Variants in GTF2I observed in about 807,000 individuals in gnomAD.
GTF2I encodes general transcription factor IIi.
Under a neutral mutation model 67.6 loss-of-function variants are expected in GTF2I, and 12 were observed. The ratio of observed to expected loss-of-function variants is 0.18; its 90% CI spans 0.11 to 0.29. The LOEUF is 0.29. Among genes scored for constraint, GTF2I ranks in the 10% least tolerant of loss-of-function variants. The probability of loss-of-function intolerance (pLI) is 1.00; values close to 1 mark genes in which losing one functional copy is unlikely to be tolerated. For missense variants in GTF2I, 271 were observed against 580.1 expected (o/e 0.47, Z 5.47); for synonymous variants, 149 against 197.0 (o/e 0.76, Z 2.04).
rs1216846084 is a variant in GTF2I at position 74,677,717 on chromosome 7, G to C, written c.-5-11407G>C. On this transcript the variant is annotated intron_variant, in intron 1 of 34. Transcript: ENST00000573035. ...GAATTGCTTGAACCCAGGAGGCGGA[G>C]GTTGCAGTGAGCCAAGATCACGCCA... Among the ~76,000 whole-genome samples, 4 of 147,450 alleles carry C rather than the reference G, an allele frequency of 2.7e-5. No homozygotes were observed. In the East Asian group the frequency reaches 8.0e-4, roughly 30 times the overall value.
chr7:74,717,932 A>G (rs1391900189), intron 11 of GTF2I, among the ~76,000 whole-genome samples: 2 of 152,180 alleles, frequency 1.3e-5, no homozygotes, highest in African/African-American at 4.8e-5. Flanking sequence ...TTTTTATAGA[A>G]GATTGTGTGG....
At chr7:74,688,746 G>A (rs1008443445) in intron 1 of GTF2I, among the ~76,000 whole-genome samples, 1 of 152,150 alleles carries the variant, frequency 6.6e-6, no homozygotes, top group Non-Finnish European at 1.5e-5. Context: ...TGTGTGTCAG[G>A]ATGTTCAGGG....
intron 12 of GTF2I, among the ~76,000 whole-genome samples, chr7:74,721,004 TAATA>T (rs1233692778): frequency 2.0e-5 from 3 of 152,076 alleles, no homozygotes; most frequent in Non-Finnish European, 2.9e-5. Context: ...TTGGATGGAG[TAATA>T]AATCTCTTTT....
chr7:74,721,062 A>G (rs1792923720), intron 12 of GTF2I, among the ~76,000 whole-genome samples: 2 of 151,364 alleles, frequency 1.3e-5, no homozygotes. Flanking sequence ...TGTTTTTGAG[A>G]TGGAGTTTCA....
At chr7:74,705,877 T>C (rs1274023917) in intron 7 of GTF2I, among the ~76,000 whole-genome samples, 3 of 151,896 alleles carry the variant, frequency 2.0e-5, no homozygotes, top group African/African-American at 7.3e-5. Context: ...TAAGTCTTAA[T>C]ATGCTACTCT....
Position 74,706,453 on chromosome 7 carries a change from G to T in GTF2I, c.685+20G>T. 3 of 1,565,860 alleles carry T rather than the reference G, an allele frequency of 1.9e-6. No individual in the cohort carries two copies. The highest frequency in any genetic ancestry group is 2.6e-6 in the Non-Finnish European group (3 of 1,136,290). On this transcript the variant is annotated intron_variant, in intron 8 of 34. Transcript: ENST00000573035. ...ATTCTGGTATGTACTAGCACTTTTA[G>T]AATCAATGGTGAAATTAAGGAAGAC...
intron 9 of GTF2I, among the ~76,000 whole-genome samples, chr7:74,712,470 G>C (rs1374887926): frequency 1.4e-5 from 2 of 148,128 alleles, no homozygotes; most frequent in African/African-American, 5.0e-5. Context: ...GCTTTACTAC[G>C]TAAATATTCT....
At chr7:74,694,518 C>T (rs587703006) in intron 3 of GTF2I, among the ~76,000 whole-genome samples, 7 of 151,936 alleles carry the variant, frequency 4.6e-5, no homozygotes, top group Non-Finnish European at 7.4e-5. Flanking sequence ...GCCCAGGAGG[C>T]GGAGGTTGCA....
intron 1 of GTF2I, among the ~76,000 whole-genome samples, chr7:74,661,395 C>T (rs2131174660): frequency 6.6e-6 from 1 of 152,180 alleles, no homozygotes; most frequent in East Asian, 1.9e-4. Flanking sequence ...AAAATTAGAT[C>T]TTGGCCGGGT....
intron 9 of GTF2I, 116 bp from the exon 10 acceptor site, chr7:74,714,741 C>G: frequency 2.1e-6 from 1 of 468,638 alleles, no homozygotes; most frequent in Middle Eastern, 4.7e-4. Context: ...TAATTTTTTT[C>G]TTTTTATTTA....
chr7:74,676,658 T>A (rs1805933088), intron 1 of GTF2I, among the ~76,000 whole-genome samples: 1 of 152,222 alleles, frequency 6.6e-6, no homozygotes. Context: ...TTATATTAAA[T>A]GTATACTGAC....
chr7:74,714,974 A>G, intron 10 of GTF2I, 58 bp downstream of exon 10: 1 of 1,033,316 alleles, frequency 9.7e-7, no homozygotes, highest in Non-Finnish European at 1.4e-6. Context: ...GTTTCCTTAT[A>G]TTGCACAGAC....
At chr7:74,691,499 C>T (rs923281550) in intron 3 of GTF2I, among the ~76,000 whole-genome samples, 27 of 152,224 alleles carry the variant, frequency 1.8e-4, no homozygotes, top group African/African-American at 5.5e-4. Flanking sequence ...TGGGCCACTG[C>T]GCCTGGCCAA....
chr7:74,690,843 A>G, intron 2 of GTF2I, 130 bp from the exon 3 acceptor site: 1 of 859,086 alleles, frequency 1.2e-6, no homozygotes. Flanking sequence ...CTTTTGTTTA[A>G]AATCAGGCCA....
chr7:74,675,838 C>T (rs782706677), intron 1 of GTF2I, among the ~76,000 whole-genome samples: 8 of 151,912 alleles, frequency 5.3e-5, no homozygotes, highest in Admixed American at 2.6e-4. Context: ...GGCAAAACCC[C>T]GTCTCTACTA....
At chr7:74,687,234 A>T (rs1247172144) in intron 1 of GTF2I, among the ~76,000 whole-genome samples, 4 of 148,894 alleles carry the variant, frequency 2.7e-5, no homozygotes, top group African/African-American at 4.9e-5. Context: ...TATTTATTTT[A>T]TTTTTTTTGA....
intron 3 of GTF2I, among the ~76,000 whole-genome samples, chr7:74,694,543 C>T (rs1438686594): frequency 6.6e-6 from 1 of 151,920 alleles, no homozygotes; most frequent in Non-Finnish European, 1.5e-5. Context: ...GCTGAGATCT[C>T]GCCATTGCAC....
At chr7:74,659,625 C>A (rs6955845) in intron 1 of GTF2I, among the ~76,000 whole-genome samples, 1 of 151,986 alleles carries the variant, frequency 6.6e-6, no homozygotes, top group East Asian at 1.9e-4. Context: ...TTGAATCAAG[C>A]TGAAAGCAAT....
chr7:74,692,855 T>G (rs1388246757), intron 3 of GTF2I, among the ~76,000 whole-genome samples: 1 of 152,090 alleles, frequency 6.6e-6, no homozygotes, highest in East Asian at 1.9e-4. Flanking sequence ...CTCTGCCTCT[T>G]GGGTTCAAGT....
Sources: allele counts gnomAD v4.1 joint callset (sites outside exome capture counted in the v4.1 genomes callset), GRCh38; gene constraint gnomAD v4.1.1; transcripts MANE v1.5; gene names NCBI Gene and HGNC (gene_info 2026-07-23, HGNC 2026-07-21).